LRP2: variants seen among roughly 807,000 people sequenced by gnomAD.
LRP2 encodes low-density lipoprotein receptor-related protein 2.
LRP2 carries 172 observed loss-of-function variants against 531.0 expected under a neutral mutation model. The ratio of observed to expected loss-of-function variants is 0.32; its 90% confidence interval spans 0.29 to 0.37. The LOEUF (loss-of-function observed/expected upper bound fraction) is 0.37. Ranked by LOEUF, LRP2 falls within the 10% of genes least tolerant of loss-of-function variation. The probability of loss-of-function intolerance (pLI) is 1.00; values close to 1 mark genes in which losing one functional copy is unlikely to be tolerated. For missense variants in LRP2, 5,167 were observed against 5,868.3 expected (o/e 0.88, Z 3.90); for synonymous variants, 1,992 against 2,027.6 (o/e 0.98, Z 0.47).
At chr2:169,221,297 G>A (rs766924126) in intron 33 of LRP2, among the ~76,000 whole-genome samples, 11 of 152,234 alleles carry the variant, frequency 7.2e-5, no homozygotes, top group Non-Finnish European at 1.5e-4. Flanking sequence ...ATTAGAGCAA[G>A]CATTATTGTA....
intron 65 of LRP2, among the ~76,000 whole-genome samples, chr2:169,154,875 A>G (rs1686276244): frequency 6.6e-6 from 1 of 152,190 alleles, no homozygotes; most frequent in African/African-American, 2.4e-5. Flanking sequence ...TATGGAACAA[A>G]GCTAGACTGA....
At chr2:169,284,256 CTTTTTTTT>C (rs1216987363) in intron 9 of LRP2, among the ~76,000 whole-genome samples, 5 of 96,646 alleles carry the variant, frequency 5.2e-5, no homozygotes, top group Admixed American at 3.6e-4. Flanking sequence ...TCTTTTTTTT[CTTTTTTTT>C]TTTTTTTTTT....
intron 9 of LRP2, among the ~76,000 whole-genome samples, chr2:169,286,683 G>A (rs1044981845): frequency 1.3e-5 from 2 of 152,100 alleles, no homozygotes; most frequent in East Asian, 1.9e-4. Context: ...GGGCTCTAGG[G>A]TGGAACAAAA....
chr2:169,193,318 C>A (rs1219762100), intron 47 of LRP2, among the ~76,000 whole-genome samples: 2 of 151,196 alleles, frequency 1.3e-5, no homozygotes, highest in Non-Finnish European at 2.9e-5. Context: ...ATGGTCCCAA[C>A]TACTTGGGAG....
chr2:169,288,487 G>C (rs566948670), intron 9 of LRP2, among the ~76,000 whole-genome samples: 33 of 152,306 alleles, frequency 2.2e-4, no homozygotes, highest in African/African-American at 7.5e-4. Flanking sequence ...AGTGGAATGA[G>C]TAGCCAGCCC....
At chr2:169,234,082 C>T (rs1035508255) in intron 29 of LRP2, among the ~76,000 whole-genome samples, 1 of 152,180 alleles carries the variant, frequency 6.6e-6, no homozygotes, top group Non-Finnish European at 1.5e-5. Flanking sequence ...CTTCAAGTCA[C>T]AGCAACTATA....
intron 1 of LRP2, among the ~76,000 whole-genome samples, chr2:169,339,452 C>T (rs1685504583): frequency 6.6e-6 from 1 of 152,126 alleles, no homozygotes; most frequent in Non-Finnish European, 1.5e-5. Context: ...AAATATATCA[C>T]TACTTAGTGA....
chr2:169,352,547 A>G (rs891056192), intron 1 of LRP2, among the ~76,000 whole-genome samples: 2 of 152,250 alleles, frequency 1.3e-5, no homozygotes. Context: ...AAATTGGTCC[A>G]GCCCTCAGAA....
intron 13 of LRP2, 109 bp downstream of exon 13, chr2:169,277,636 C>T: frequency 1.0e-6 from 1 of 991,832 alleles, no homozygotes; most frequent in Non-Finnish European, 1.6e-6. Context: ...CTATCATGTC[C>T]ACCAACAAAG....
chr2:169,199,316 G>A (rs1027447166), intron 44 of LRP2, among the ~76,000 whole-genome samples: 2 of 152,174 alleles, frequency 1.3e-5, no homozygotes, highest in Admixed American at 1.3e-4. Context: ...ATTGTTAATA[G>A]TAAGAAAGCA....
In LRP2 at chr2:169,276,070, T is replaced by C. The variant is rs573382888; in HGVS notation, c.1773-832A>G. ...ATCCCCTGAAAACTAAAAAGGACAA[T>C]AGAGCTCTAAGAAAAGACTTGAAGA... On this transcript the variant is annotated intron_variant, in intron 13 of 78. Transcript: ENST00000649046. Among the ~76,000 whole-genome samples the C allele has an allele frequency of 4.0e-5, 6 of 151,874 alleles. No individual in the cohort carries two copies. The East Asian group carries it at 7.8e-4, about 20-fold the overall frequency.
chr2:169,279,208 T>G (rs1351482511), intron 12 of LRP2, among the ~76,000 whole-genome samples, 164 bp downstream of exon 12: 2 of 152,222 alleles, frequency 1.3e-5, no homozygotes, highest in Non-Finnish European at 1.5e-5. Context: ...ATAAACTCTC[T>G]TAAAGCTTCT....
rs777620888 is a variant in LRP2, at chr2:169,206,389, C to G, written c.7331G>C (p.Gly2444Ala). 29 of 1,614,102 alleles carry G rather than the reference C, an allele frequency of 1.8e-5. No homozygotes were observed. The highest frequency in any genetic ancestry group is 2.5e-5 in the Non-Finnish European group (29 of 1,180,006). Residue 2444 changes from glycine (G) to alanine (A), a missense_variant, in exon 39 of 79, where the codon GGA becomes GCA. Coordinates refer to ENST00000649046, the MANE Select transcript of LRP2 (RefSeq NM_004525.3). ...YFTQNLASGV[G>A]QISYATLSSG... ...AGACAGGGTGGCATAGGAAATCTGT[C>G]CAACTCCAGAGGCTAAATTTTGTGT...
At chr2:169,132,093 A>G (rs1438776834) in intron 77 of LRP2, among the ~76,000 whole-genome samples, 1 of 152,330 alleles carries the variant, frequency 6.6e-6, no homozygotes, top group African/African-American at 2.4e-5. Flanking sequence ...AATAATGAAT[A>G]GATGGATGAT....
chr2:169,160,682 T>TAAAAAAAAAAAAAAAAAAAAAA (rs781574242), intron 63 of LRP2, among the ~76,000 whole-genome samples: 37 of 52,794 alleles, frequency 7.0e-4, no homozygotes, highest in African/African-American at 2.2e-3. Flanking sequence ...CTTATTTCCT[T>TAAAAAAAAAAAAAAAAAAAAAA]AAAAAAAAAA....
At chr2:169,128,921 T>G in intron 78 of LRP2, 91 bp from the exon 79 acceptor site, 1 of 1,545,128 alleles carries the variant, frequency 6.5e-7, no homozygotes, top group Non-Finnish European at 9.0e-7. Flanking sequence ...GTGGCCACTC[T>G]GCTCAGAATA....
At chr2:169,180,079 A>G (rs1466221101) in intron 52 of LRP2, among the ~76,000 whole-genome samples, 1 of 152,170 alleles carries the variant, frequency 6.6e-6, no homozygotes, top group Non-Finnish European at 1.5e-5. Context: ...TTCATCTCTA[A>G]TGCTCCTGGA....
intron 33 of LRP2, among the ~76,000 whole-genome samples, chr2:169,223,759 T>A (rs996806166): frequency 1.3e-5 from 2 of 152,198 alleles, no homozygotes; most frequent in Non-Finnish European, 2.9e-5. Context: ...CAGAGGAGCC[T>A]CCAAGGGGCC....
Position 169,205,606 on chromosome 2 carries a change from C to T in LRP2, c.7588G>A (p.Ala2530Thr). 2 of 1,613,596 alleles carry T rather than the reference C, an allele frequency of 1.2e-6. No homozygotes were observed. The highest frequency in any genetic ancestry group is 1.7e-6 in the Non-Finnish European group (2 of 1,179,926). ...CCCAATGTGGCTCTCTCGATTTTGG[C>T]ATGTGTATCCCAGTCAGCCCAGTAC... Reference protein sequence around the residue: ...YLYWADWDTHAKIERATLGGN... With the variant: ...YLYWADWDTHTKIERATLGGN... Residue 2530 changes from alanine to threonine, a missense_variant, in exon 41 of 79, where the codon GCC becomes ACC. Around this residue, in one of 6 missense-constraint regions of LRP2, gnomAD observed 1,129 missense variants for 1,362.7 expected, o/e 0.83. Transcript: ENST00000649046.
Sources: allele counts gnomAD v4.1 joint callset (sites outside exome capture counted in the v4.1 genomes callset), GRCh38; gene constraint gnomAD v4.1.1; regional missense constraint gnomAD v4.1.1; transcripts MANE v1.5; gene names NCBI Gene and HGNC (gene_info 2026-07-23, HGNC 2026-07-21).